The following CREM variants were observed in gnomAD, a reference collection of about 807,000 sequenced individuals.
The protein encoded by CREM is cAMP responsive element modulator.
A neutral mutation model predicts 37.3 loss-of-function variants in CREM; 13 were observed. The ratio of observed to expected loss-of-function variants is 0.35; its 90% CI spans 0.23 to 0.55. The LOEUF (loss-of-function observed/expected upper bound fraction) is 0.55, where lower values mean the gene tolerates loss of function less well. Ranked by LOEUF, CREM falls within the 20% of genes least tolerant of loss-of-function variation. The probability of loss-of-function intolerance (pLI) is 0.88; values close to 1 mark genes in which losing one functional copy is unlikely to be tolerated. For synonymous variants in CREM, 124 were observed against 120.2 expected, an observed-to-expected ratio of 1.03 and a Z score of -0.21; for missense variants, 296 against 362.3, an observed-to-expected ratio of 0.82 and a Z score of 1.49.
At chr10:35,158,424 C>T in intron 3 of CREM, 1 of 294,654 alleles carries the variant, frequency 3.4e-6, no homozygotes. Context: ...AAAGAAGTAG[C>T]TTAGGCTGAA....
At chr10:35,170,077 T>C (rs1046932191) in intron 3 of CREM, among the ~76,000 whole-genome samples, 1 of 151,502 alleles carries the variant, frequency 6.6e-6, no homozygotes, top group African/African-American at 2.4e-5. Context: ...ATTCTCCTGC[T>C]TCAGCCTCCC....
intron 2 of CREM, among the ~76,000 whole-genome samples, chr10:35,145,799 A>AAAAG (rs71033379): frequency 6.6e-6 from 1 of 151,060 alleles, no homozygotes; most frequent in African/African-American, 2.4e-5. Flanking sequence ...AAAAAAAAAA[A>AAAAG]GAAATTACTT....
intron 5 of CREM, among the ~76,000 whole-genome samples, chr10:35,187,799 C>T (rs1018929941): frequency 6.6e-6 from 1 of 152,136 alleles, no homozygotes. Context: ...GCCACCACAC[C>T]TGGCCTTAAA....
chr10:35,209,357 A>T, intron 7 of CREM: 3 of 985,406 alleles, frequency 3.0e-6, no homozygotes, highest in Non-Finnish European at 3.6e-6. Flanking sequence ...CTCCGTGCTG[A>T]GGATACACCC....
chr10:35,134,827 CAG>C (rs1369525600), intron 1 of CREM, among the ~76,000 whole-genome samples: 2 of 151,932 alleles, frequency 1.3e-5, no homozygotes, highest in South Asian at 2.1e-4. Context: ...CACTTGAAGT[CAG>C]GGGTTCGAGA....
rs924812434 is a variant in CREM at position 35,167,149 on chromosome 10, GA to G, written c.169-11732del. On this transcript the variant is annotated intron_variant, in intron 3 of 7. Coordinates refer to ENST00000685392, the MANE Select transcript of CREM (RefSeq NM_183011.2). ...GAGCAAGACTCCGTCTCAGTGGGGG[GA>G]AAAAAAATTAAAGTGGAATATTTTA... Among the ~76,000 whole-genome samples, 246 of 151,764 alleles carry G rather than the reference GA, an allele frequency of 1.6e-3. 1 individual carries two copies. Among genetic ancestry groups the G allele is most frequent in the African/African-American group, 1.3e-3 (55 of 41,418 alleles).
intron 6 of CREM, among the ~76,000 whole-genome samples, chr10:35,203,326 G>A (rs529493052): frequency 2.0e-5 from 3 of 152,236 alleles, no homozygotes; most frequent in South Asian, 2.1e-4. Context: ...GATTATAGGC[G>A]TGAGCCACCA....
At chr10:35,194,097 C>CAAAAAAAAAAA (rs371978117) in intron 6 of CREM, among the ~76,000 whole-genome samples, 1,685 of 25,028 alleles carry the variant, frequency 0.067, 247 homozygotes, top group Non-Finnish European at 0.088. Flanking sequence ...GACTTCATCT[C>CAAAAAAAAAAA]AAAAAAAAAA....
At position 35,181,913 on chromosome 10, in the gene CREM, A is replaced by T. The variant is rs75331335; in HGVS notation, c.409+2637A>T. On this transcript the variant is annotated intron_variant, in intron 5 of 7. Transcript: ENST00000685392. ...AAAAAAACACATCTGTCTATTTGCC[A>T]CATAAGAGGTCATGGACTATTTCTT... Among the ~76,000 whole-genome samples, 203 of 152,290 alleles carry T rather than the reference A, an allele frequency of 1.3e-3. 1 individual carries two copies. Among genetic ancestry groups the T allele is most frequent in the Middle Eastern group, 3.4e-3 (1 of 294 alleles).
chr10:35,196,239 CTAGT>C lies in CREM; in HGVS notation c.598+7852_598+7855del. 5 of 709,696 alleles carry C rather than the reference CTAGT, an allele frequency of 7.0e-6. No homozygotes were observed. The South Asian group carries it at 9.5e-5, about 13-fold the overall frequency. The allele number at this position is 709,696 out of a possible 1,614,324, so 44.0% of individuals were successfully genotyped here. ...TAGGAACTTGCGATTCAGAGCTCCT[CTAGT>C]GTTCAGTCAGGGAAGTGCTTGTCTT... On this transcript the variant is annotated intron_variant, in intron 6 of 7. Coordinates refer to ENST00000685392, the MANE Select transcript of CREM (RefSeq NM_183011.2).
At chr10:35,160,404 ACTGT>A (rs2093215722) in intron 3 of CREM, among the ~76,000 whole-genome samples, 1 of 147,908 alleles carries the variant, frequency 6.8e-6, no homozygotes, top group African/African-American at 2.5e-5. Context: ...ACTACTGTAG[ACTGT>A]CTTTTTTTTT....
chr10:35,203,702 TA>T (rs1387885427), intron 6 of CREM, among the ~76,000 whole-genome samples: 2 of 151,794 alleles, frequency 1.3e-5, no homozygotes, highest in Admixed American at 1.3e-4. Flanking sequence ...AAAATAAAAA[TA>T]AAAAGTAAAA....
At chr10:35,182,854 C>T (rs1200348356) in intron 5 of CREM, among the ~76,000 whole-genome samples, 5 of 152,036 alleles carry the variant, frequency 3.3e-5, no homozygotes, top group Admixed American at 6.6e-5. Flanking sequence ...TTGAGCTGGT[C>T]GAAGAAAGTC....
At chr10:35,196,089 C>G in intron 6 of CREM, 1 of 1,614,122 alleles carries the variant, frequency 6.2e-7, no homozygotes, top group South Asian at 1.1e-5. Context: ...AGTTGTCTGG[C>G]CAGCTTAGTG....
At chr10:35,174,908 C>CT (rs1305316439) in intron 3 of CREM, among the ~76,000 whole-genome samples, 1 of 152,170 alleles carries the variant, frequency 6.6e-6, no homozygotes, top group African/African-American at 2.4e-5. Context: ...AGTGATAGTT[C>CT]TGGCCTCTCT....
At chr10:35,156,617 G>A (rs916769036) in intron 3 of CREM, among the ~76,000 whole-genome samples, 4 of 152,164 alleles carry the variant, frequency 2.6e-5, no homozygotes, top group African/African-American at 9.7e-5. Context: ...AGACTATTAA[G>A]AATTATATTT....
chr10:35,168,434 T>C (rs1045455581), intron 3 of CREM, among the ~76,000 whole-genome samples: 2 of 152,212 alleles, frequency 1.3e-5, no homozygotes, highest in Non-Finnish European at 2.9e-5. Context: ...GCCCACTTTT[T>C]GATGGGGTGG....
At chr10:35,163,248 A>G (rs561846939) in intron 3 of CREM, among the ~76,000 whole-genome samples, 22 of 152,206 alleles carry the variant, frequency 1.4e-4, no homozygotes, top group Middle Eastern at 3.4e-3. Flanking sequence ...AATAGAGAAC[A>G]AAAATATTAA....
intron 7 of CREM, chr10:35,209,255 G>C: frequency 1.1e-6 from 1 of 923,564 alleles, no homozygotes; most frequent in Non-Finnish European, 1.3e-6. Flanking sequence ...ATCTATAATC[G>C]ATATCTCATT....
Sources: gnomAD v4.1 joint callset for allele counts (sites outside exome capture counted in the v4.1 genomes callset) on GRCh38, gnomAD v4.1.1 for gene constraint, MANE v1.5 for transcripts, NCBI Gene and HGNC (gene_info 2026-07-23, HGNC 2026-07-21) for gene names.